Variants in RGS6 observed in about 807,000 individuals in gnomAD.
RGS6 encodes the protein regulator of G protein signaling 6.
RGS6 carries 30 observed loss-of-function variants against 78.5 expected under a neutral mutation model. The observed-to-expected ratio is 0.38, with a 90% confidence interval of 0.29 to 0.52. RGS6 has a LOEUF of 0.52. Ranked by LOEUF, RGS6 falls within the 20% of genes least tolerant of loss-of-function variation. The probability of loss-of-function intolerance (pLI) is 0.85; values close to 1 mark genes in which losing one functional copy is unlikely to be tolerated. For synonymous variants in RGS6, 206 were observed against 206.0 expected, an observed-to-expected ratio of 1.00 and a Z score of 0.00; for missense variants, 495 against 609.7, an observed-to-expected ratio of 0.81 and a Z score of 1.98.
At chr14:72,215,530 C>G (rs1166550094) in intron 2 of RGS6, among the ~76,000 whole-genome samples, 1 of 152,216 alleles carries the variant, frequency 6.6e-6, no homozygotes, top group Non-Finnish European at 1.5e-5. Context: ...GAGGCAGGGT[C>G]ATTTATAACC....
intron 15 of RGS6, among the ~76,000 whole-genome samples, chr14:72,535,940 C>G (rs2097245761): frequency 6.6e-6 from 1 of 152,124 alleles, no homozygotes; most frequent in Admixed American, 6.5e-5. Context: ...CACCCAAGCC[C>G]AATTACAAAT....
rs761485877 is a variant in RGS6, at chr14:72,477,887, C to T, written c.793-381C>T. On this transcript the variant is annotated intron_variant, in intron 11 of 17. Transcript: ENST00000553525. ...AAGCATGCCAAGGACATGGGTGTGA[C>T]GTGCCTGTGAAAGGTGGGCAGAGGA... Among the ~76,000 whole-genome samples, 8 of 151,878 alleles carry T rather than the reference C, an allele frequency of 5.3e-5. No individual in the cohort carries two copies. In the East Asian group the frequency reaches 5.8e-4, roughly 11 times the overall value.
the RGS6 span, among the ~76,000 whole-genome samples, chr14:71,923,980 T>G: frequency 2.0e-5 from 3 of 152,370 alleles, no homozygotes; most frequent in Non-Finnish European, 4.4e-5. Context: ...CAAGGTAATC[T>G]GCCGAGGATT....
At chr14:71,985,530 A>T (rs1440695157) in intron 2 of RGS6, among the ~76,000 whole-genome samples, 3 of 152,232 alleles carry the variant, frequency 2.0e-5, no homozygotes, top group African/African-American at 7.2e-5. Flanking sequence ...GTCAAAATGC[A>T]TGACCTGTGT....
At chr14:72,505,142 C>T (rs1000368529) in intron 13 of RGS6, among the ~76,000 whole-genome samples, 2 of 152,000 alleles carry the variant, frequency 1.3e-5, no homozygotes, top group African/African-American at 2.4e-5. Context: ...CTGTAAGCCA[C>T]GTTCACATTT....
chr14:72,023,164 C>G (rs932442683), intron 2 of RGS6, among the ~76,000 whole-genome samples: 1 of 152,186 alleles, frequency 6.6e-6, no homozygotes, highest in African/African-American at 2.4e-5. Context: ...ATTGAGAAAG[C>G]TTACATATCC....
intron 17 of RGS6, among the ~76,000 whole-genome samples, chr14:72,551,622 G>A (rs919911533): frequency 2.6e-5 from 4 of 152,218 alleles, no homozygotes; most frequent in Admixed American, 2.6e-4. Flanking sequence ...CTAAGTTCGA[G>A]ACAGGCAACC....
the RGS6 span, among the ~76,000 whole-genome samples, chr14:71,915,599 T>C: frequency 6.6e-6 from 1 of 152,180 alleles, no homozygotes; most frequent in East Asian, 1.9e-4. Flanking sequence ...ATGTCAGTTA[T>C]GGGAGACTCT....
At chr14:71,925,123 T>C in the RGS6 span, among the ~76,000 whole-genome samples, 1,146 of 152,264 alleles carry the variant, frequency 7.5e-3, 22 homozygotes, top group African/African-American at 0.026. Context: ...AGGCAGGAGG[T>C]GACACTCATT....
chr14:72,534,346 C>G (rs1298797140), intron 15 of RGS6, among the ~76,000 whole-genome samples: 2 of 152,158 alleles, frequency 1.3e-5, no homozygotes, highest in African/African-American at 4.8e-5. Flanking sequence ...TTTATGTGTA[C>G]TGGGAAACGA....
At chr14:72,072,606 G>C (rs1299554038) in intron 2 of RGS6, among the ~76,000 whole-genome samples, 1 of 152,168 alleles carries the variant, frequency 6.6e-6, no homozygotes, top group Admixed American at 6.5e-5. Flanking sequence ...ACTGTTCTTG[G>C]CTGTTTGTGT....
intron 2 of RGS6, among the ~76,000 whole-genome samples, chr14:72,184,364 T>C (rs1297415856): frequency 2.2e-5 from 2 of 90,412 alleles, no homozygotes; most frequent in East Asian, 5.5e-4. Flanking sequence ...AGTATTTTAC[T>C]TTCAAACACA....
intron 2 of RGS6, among the ~76,000 whole-genome samples, chr14:72,301,001 A>T (rs887717826): frequency 3.3e-5 from 5 of 152,198 alleles, no homozygotes; most frequent in Non-Finnish European, 5.9e-5. Flanking sequence ...AGAGGGGGAA[A>T]ATATGATTTA....
rs188412859 is a variant in RGS6 at position 72,549,917 on chromosome 14, C to T, written c.1422+9823C>T. Among the ~76,000 whole-genome samples, 5 of 152,254 alleles carry T rather than the reference C, an allele frequency of 3.3e-5. No individual in the cohort carries two copies. In the East Asian group the frequency reaches 9.7e-4, roughly 29 times the overall value. On this transcript the variant is annotated intron_variant, in intron 17 of 17. Coordinates refer to ENST00000553525, the MANE Select transcript of RGS6 (RefSeq NM_001204424.2). ...GACTGAGGAGAAACTATGCCCCCAC[C>T]CTGGCTTCCCTCCTCTAGGGCCCTG...
chr14:71,878,003 T>C, the RGS6 span, among the ~76,000 whole-genome samples: 1 of 152,316 alleles, frequency 6.6e-6, no homozygotes, highest in Non-Finnish European at 1.5e-5. Context: ...ACCACAAATA[T>C]TGCAGAACAG....
intron 3 of RGS6, among the ~76,000 whole-genome samples, chr14:72,397,828 G>A (rs2091690242): frequency 6.6e-6 from 1 of 152,062 alleles, no homozygotes; most frequent in Non-Finnish European, 1.5e-5. Context: ...TTTGTCTTTG[G>A]TTCTGTTTAT....
chr14:72,343,508 TCCC>T (rs2077414154), intron 2 of RGS6, among the ~76,000 whole-genome samples: 3 of 152,198 alleles, frequency 2.0e-5, no homozygotes, highest in Non-Finnish European at 4.4e-5. Flanking sequence ...ATCTACAAAG[TCCC>T]TTTTGCCATG....
At chr14:72,126,260 G>C (rs1324061123) in intron 2 of RGS6, among the ~76,000 whole-genome samples, 2 of 152,246 alleles carry the variant, frequency 1.3e-5, no homozygotes, top group Non-Finnish European at 2.9e-5. Flanking sequence ...CCAGAGAAGG[G>C]TAGCCTTTGG....
chr14:72,274,260 G>A (rs1156362669), intron 2 of RGS6, among the ~76,000 whole-genome samples: 1 of 152,200 alleles, frequency 6.6e-6, no homozygotes, highest in Non-Finnish European at 1.5e-5. Flanking sequence ...TGAGCTCAAA[G>A]GTAGGCTCAT....
Sources: allele counts gnomAD v4.1 joint callset (sites outside exome capture counted in the v4.1 genomes callset), GRCh38; gene constraint gnomAD v4.1.1; transcripts MANE v1.5; gene names NCBI Gene and HGNC (gene_info 2026-07-23, HGNC 2026-07-21).